Variants in LMBRD1 observed in about 807,000 individuals in gnomAD.
LMBRD1 encodes LMBR1 domain containing 1.
In LMBRD1, 64 loss-of-function variants were observed where a neutral mutation model predicts 74.8. The observed-to-expected ratio is 0.86, with a 90% CI of 0.70 to 1.05. LMBRD1 has a LOEUF of 1.05. Ranked by LOEUF, LMBRD1 falls within the 50% of genes least tolerant of loss-of-function variation. The pLI is 0.00. For synonymous variants in LMBRD1, 204 were observed against 216.3 expected, an observed-to-expected ratio of 0.94 and a Z score of 0.50; for missense variants, 652 against 645.9, an observed-to-expected ratio of 1.01 and a Z score of -0.10.
At chr6:69,749,542 AC>A (rs2149876334) in intron 4 of LMBRD1, 134 bp from the exon 5 acceptor site, 2 of 713,724 alleles carry the variant, frequency 2.8e-6, no homozygotes, top group Admixed American at 5.2e-5. Flanking sequence ...TTGAAAAACA[AC>A]CTTAAAATTT....
At chr6:69,684,478 T>C (rs1473027277) in intron 14 of LMBRD1, among the ~76,000 whole-genome samples, 1 of 152,016 alleles carries the variant, frequency 6.6e-6, no homozygotes, top group Non-Finnish European at 1.5e-5. Context: ...TAGGAGATAA[T>C]ATAATGCCTT....
chr6:69,685,870 T>A (rs906432145), intron 14 of LMBRD1, among the ~76,000 whole-genome samples: 6 of 152,158 alleles, frequency 3.9e-5, no homozygotes, highest in African/African-American at 1.4e-4. Context: ...TCCAAGTGAT[T>A]TTGATGCATG....
intron 7 of LMBRD1, among the ~76,000 whole-genome samples, chr6:69,729,476 T>C (rs1766809536): frequency 1.3e-5 from 2 of 152,092 alleles, no homozygotes; most frequent in African/African-American, 2.4e-5. Flanking sequence ...GTCCCAATTC[T>C]TTTTCCTCCT....
intron 2 of LMBRD1, among the ~76,000 whole-genome samples, chr6:69,788,821 C>T (rs1307010535): frequency 5.3e-5 from 8 of 152,168 alleles, no homozygotes; most frequent in Admixed American, 2.6e-4. Flanking sequence ...TGTTTAGAAG[C>T]CATCTTCCCA....
intron 14 of LMBRD1, among the ~76,000 whole-genome samples, chr6:69,678,142 G>A (rs1044150244): frequency 6.6e-6 from 1 of 152,052 alleles, no homozygotes; most frequent in Non-Finnish European, 1.5e-5. Context: ...ACTATAGATT[G>A]ACACATATTT....
At chr6:69,759,728 A>G (rs754170676) in intron 3 of LMBRD1, among the ~76,000 whole-genome samples, 7 of 152,144 alleles carry the variant, frequency 4.6e-5, no homozygotes, top group Non-Finnish European at 1.5e-5. Flanking sequence ...ATACAGCTAA[A>G]TCAAAACACA....
At chr6:69,745,990 A>C (rs1056916127) in intron 5 of LMBRD1, 1 of 226,100 alleles carries the variant, frequency 4.4e-6, no homozygotes, top group African/African-American at 2.3e-5. Context: ...AGTGACCTTC[A>C]CTACACGGCC....
intron 9 of LMBRD1, among the ~76,000 whole-genome samples, chr6:69,712,441 T>G (rs909131469): frequency 3.7e-5 from 5 of 135,604 alleles, no homozygotes; most frequent in African/African-American, 1.3e-4. Context: ...AGTTCCTATG[T>G]TTTTTTTTTT....
At chr6:69,690,814 C>T (rs917969978) in intron 14 of LMBRD1, among the ~76,000 whole-genome samples, 7 of 152,180 alleles carry the variant, frequency 4.6e-5, no homozygotes, top group Admixed American at 4.6e-4. Flanking sequence ...TTAAGGGATT[C>T]TCCTCAGTTA....
intron 9 of LMBRD1, among the ~76,000 whole-genome samples, chr6:69,704,951 T>C (rs1766219140): frequency 6.6e-6 from 1 of 150,740 alleles, no homozygotes; most frequent in Non-Finnish European, 1.5e-5. Flanking sequence ...TTTCAGGCTA[T>C]TAATTTCTCT....
chr6:69,683,593 T>C (rs1765705383), intron 14 of LMBRD1, among the ~76,000 whole-genome samples: 1 of 152,072 alleles, frequency 6.6e-6, no homozygotes, highest in African/African-American at 2.4e-5. Flanking sequence ...AATGAGGTTA[T>C]CAACACAAAC....
At chr6:69,785,576 T>G (rs1380870335) in intron 2 of LMBRD1, among the ~76,000 whole-genome samples, 2 of 152,182 alleles carry the variant, frequency 1.3e-5, no homozygotes, top group Non-Finnish European at 2.9e-5. Context: ...TAGGCATCAG[T>G]GCTCCAATTT....
chr6:69,677,031 G>C (rs1765560699), intron 14 of LMBRD1, among the ~76,000 whole-genome samples: 1 of 152,122 alleles, frequency 6.6e-6, no homozygotes, highest in Non-Finnish European at 1.5e-5. Context: ...ACAGAAGACA[G>C]GTTAACAAGA....
chr6:69,712,113 C>T (rs1234824615), intron 9 of LMBRD1, among the ~76,000 whole-genome samples: 2 of 152,076 alleles, frequency 1.3e-5, no homozygotes, highest in East Asian at 3.9e-4. Context: ...TCAAGTTAGT[C>T]CACTGACTGA....
At chr6:69,694,545 G>A (rs545701055) in intron 14 of LMBRD1, among the ~76,000 whole-genome samples, 1 of 152,196 alleles carries the variant, frequency 6.6e-6, no homozygotes, top group East Asian at 1.9e-4. Context: ...ACAAAATAAA[G>A]TTATCCCCAT....
intron 3 of LMBRD1, among the ~76,000 whole-genome samples, chr6:69,778,441 T>C (rs1315688318): frequency 6.6e-6 from 1 of 152,208 alleles, no homozygotes; most frequent in Non-Finnish European, 1.5e-5. Context: ...TGGAACAAAC[T>C]GAAAAAGCCT....
chr6:69,746,524 G>A (rs1419497093), intron 5 of LMBRD1: 1 of 153,752 alleles, frequency 6.5e-6, no homozygotes, highest in Non-Finnish European at 1.5e-5. Context: ...TCTATAGGAA[G>A]CTTACTGGCA....
rs116238136 is a variant in LMBRD1, at chr6:69,748,457, T to C, written c.473+884A>G. ...ACACATCAAGGCAGGTAAAAAGAACTGAAAATATGACTTGACTATAAAACA... is the reference window on the plus strand; with the variant it reads ...ACACATCAAGGCAGGTAAAAAGAACCGAAAATATGACTTGACTATAAAACA... On this transcript the variant is annotated intron_variant, in intron 5 of 15. Coordinates refer to ENST00000649934, the MANE Select transcript of LMBRD1 (RefSeq NM_018368.4). Among the ~76,000 whole-genome samples, 1,058 of 152,200 alleles carry C rather than the reference T, an allele frequency of 7.0e-3. 15 individuals are homozygous for C. The highest frequency in any genetic ancestry group is 0.021 in the African/African-American group (884 of 41,576).
chr6:69,738,031 A>T lies in LMBRD1; in HGVS notation c.563-16T>A. 1.3e-6 allele frequency: 2 copies of T among 1,581,392 alleles called. No homozygotes were observed. The highest frequency in any genetic ancestry group is 1.7e-6 in the Non-Finnish European group (2 of 1,154,366). ...GCTAAACCATCTGTGAAGAAAGAAA[A>T]ACTGTTAAAAATGTACATATATACT... On this transcript the variant is annotated splice_polypyrimidine_tract_variant and intron_variant, in intron 6 of 15. Coordinates refer to ENST00000649934, the MANE Select transcript of LMBRD1 (RefSeq NM_018368.4).
Sources: gnomAD v4.1 joint callset for allele counts (sites outside exome capture counted in the v4.1 genomes callset) on GRCh38, gnomAD v4.1.1 for gene constraint, MANE v1.5 for transcripts, NCBI Gene and HGNC (gene_info 2026-07-23, HGNC 2026-07-21) for gene names.